Variants in PARD3 observed in about 807,000 individuals in gnomAD.
The protein encoded by PARD3 is partitioning defective 3 homolog.
Under a neutral mutation model 155.4 loss-of-function variants are expected in PARD3, and 75 were observed. That is an observed-to-expected ratio of 0.48 (90% CI 0.40 to 0.58). The LOEUF is 0.58. Ranked by LOEUF, PARD3 falls within the 20% of genes least tolerant of loss-of-function variation. The pLI, the probability that PARD3 is intolerant of heterozygous loss-of-function variation, is 0.00. For synonymous variants in PARD3, 576 were observed against 610.5 expected (o/e 0.94, Z 0.83); for missense variants, 1,642 against 1,721.7 (o/e 0.95, Z 0.82).
At chr10:34,275,582 G>A (rs1474504824) in intron 21 of PARD3, among the ~76,000 whole-genome samples, 1 of 152,134 alleles carries the variant, frequency 6.6e-6, no homozygotes, top group Non-Finnish European at 1.5e-5. Context: ...ATATTTGAAT[G>A]TCTTGTTACA....
At chr10:34,671,086 G>A (rs1015981395) in intron 2 of PARD3, among the ~76,000 whole-genome samples, 11 of 152,208 alleles carry the variant, frequency 7.2e-5, no homozygotes, top group African/African-American at 2.2e-4. Context: ...AAAAGTTACT[G>A]AGACTCGCAG....
chr10:34,405,099 C>T (rs1844315493), intron 5 of PARD3, among the ~76,000 whole-genome samples: 1 of 151,420 alleles, frequency 6.6e-6, no homozygotes, highest in South Asian at 2.1e-4. Context: ...CACACACACA[C>T]ACACACACAC....
At chr10:34,379,502 A>G (rs1841607319) in intron 9 of PARD3, among the ~76,000 whole-genome samples, 1 of 152,100 alleles carries the variant, frequency 6.6e-6, no homozygotes, top group Non-Finnish European at 1.5e-5. Context: ...GCTTTCATGA[A>G]ACTCTAATGA....
chr10:34,627,094 ACTGCAGCC>A (rs1422793597), intron 2 of PARD3, among the ~76,000 whole-genome samples: 1 of 151,390 alleles, frequency 6.6e-6, no homozygotes, highest in Non-Finnish European at 1.5e-5. Context: ...AACACAGCTC[ACTGCAGCC>A]CTGCAGCCTT....
rs1307479431 is a variant in PARD3 at position 34,111,243 on chromosome 10, G to T, written c.3988C>A (p.Pro1330Thr). Residue 1330 changes from proline (P) to threonine (T), a missense_variant, in exon 25 of 25, where the codon CCC becomes ACC. Physicochemically the swap from Pro to Thr is conservative, Grantham distance 38 (BLOSUM62 -1). Coordinates refer to ENST00000374788, the MANE Select transcript of PARD3 (RefSeq NM_001184785.2). The stretch of plus-strand genomic sequence containing the variant: ...CTCGCAACCTGAGAAGGGGAGGGGG[G>T]CACATCTTGCCGGAAGGGCCCCTTG... ...PPKGPFRQDV[P>T]PSPSQVARLN... 2 of 1,612,236 alleles carry T rather than the reference G, an allele frequency of 1.2e-6. No individual in the cohort carries two copies. Among genetic ancestry groups the T allele is most frequent in the Non-Finnish European group, 8.5e-7 (1 of 1,178,624 alleles).
intron 1 of PARD3, among the ~76,000 whole-genome samples, chr10:34,697,756 T>C (rs543904824): frequency 2.6e-4 from 26 of 101,176 alleles, no homozygotes; most frequent in Non-Finnish European, 3.6e-4. Flanking sequence ...GAGAGTAAGT[T>C]TGTAAAACAA....
chr10:34,626,586 G>A (rs1376755911), intron 2 of PARD3, among the ~76,000 whole-genome samples: 1 of 151,990 alleles, frequency 6.6e-6, no homozygotes, highest in Non-Finnish European at 1.5e-5. Flanking sequence ...CCACTCACAG[G>A]GCATATATTA....
intron 1 of PARD3, among the ~76,000 whole-genome samples, chr10:34,788,435 G>C (rs1291146092): frequency 6.8e-6 from 1 of 147,166 alleles, no homozygotes; most frequent in Non-Finnish European, 1.5e-5. Context: ...CCTGGGCCAA[G>C]CTCTAGGTCC....
At chr10:34,181,817 C>T (rs932756850) in intron 22 of PARD3, among the ~76,000 whole-genome samples, 4 of 152,006 alleles carry the variant, frequency 2.6e-5, no homozygotes, top group Non-Finnish European at 4.4e-5. Flanking sequence ...TTTCAGAAAT[C>T]GCTACCGACA....
intron 1 of PARD3, among the ~76,000 whole-genome samples, chr10:34,715,194 C>A (rs2094502482): frequency 6.6e-6 from 1 of 151,974 alleles, no homozygotes; most frequent in Admixed American, 6.6e-5. Context: ...CCACCTGCCT[C>A]AGCCTTCCAA....
intron 22 of PARD3, among the ~76,000 whole-genome samples, chr10:34,261,809 G>GA (rs1397842540): frequency 2.4e-5 from 2 of 84,968 alleles, no homozygotes; most frequent in East Asian, 6.3e-4. Context: ...AAGAAAGAAA[G>GA]AAAGAAAGAA....
At chr10:34,431,948 A>G (rs1418450373) in intron 5 of PARD3, among the ~76,000 whole-genome samples, 1 of 141,634 alleles carries the variant, frequency 7.1e-6, no homozygotes, top group Non-Finnish European at 1.5e-5. Flanking sequence ...AGGCTGAGGC[A>G]GGAGAATGGC....
intron 5 of PARD3, among the ~76,000 whole-genome samples, chr10:34,431,139 A>T (rs2075877381): frequency 1.3e-5 from 2 of 152,300 alleles, no homozygotes; most frequent in East Asian, 3.9e-4. Flanking sequence ...TGCAGTTAAT[A>T]AGTATGATGC....
intron 1 of PARD3, among the ~76,000 whole-genome samples, chr10:34,810,239 A>C (rs1843954683): frequency 6.6e-6 from 1 of 152,212 alleles, no homozygotes; most frequent in Non-Finnish European, 1.5e-5. Context: ...CAAGCACAAA[A>C]ATACTGCATA....
intron 3 of PARD3, among the ~76,000 whole-genome samples, chr10:34,490,467 G>T (rs984507463): frequency 3.7e-5 from 5 of 133,708 alleles, no homozygotes; most frequent in Non-Finnish European, 5.9e-5. Context: ...ATCTATGTCA[G>T]AACATTTACT....
chr10:34,360,212 T>C lies in PARD3; in HGVS notation c.1755A>G (p.Glu585=). ...DIVLTPDGTR[E]FLTFEVPLND... is the part of the protein sequence containing the mutation. ...TAAGTGGGACTTCAAATGTCAGAAATTCCCTGGTGCCATCAGGTGTAAGAA... is the reference window on the plus strand; with the variant it reads ...TAAGTGGGACTTCAAATGTCAGAAACTCCCTGGTGCCATCAGGTGTAAGAA... The change falls in exon 13 of 25, where the codon GAA becomes GAG. Residue 585 remains glutamate, a synonymous_variant. Coordinates refer to ENST00000374788, the MANE Select transcript of PARD3 (RefSeq NM_001184785.2). 6.2e-7 allele frequency: 1 copy of C among 1,613,982 alleles called. No individual in the cohort carries two copies.
In PARD3 at chr10:34,450,587, T is replaced by C. The variant is rs571549271; in HGVS notation, c.583-139A>G. On this transcript the variant is annotated intron_variant, in intron 4 of 24. Transcript: ENST00000374788. ...TTCCAATCCTATACAAAATAGCTGA[T>C]TGAGGACATTCCACCCAGATTAGAC... 1.1e-4 allele frequency: 86 copies of C among 783,140 alleles called. No homozygotes were observed. In the African/African-American group the frequency reaches 1.3e-3, roughly 11 times the overall value. The allele number at this position is 783,140 out of a possible 1,614,324, so 48.5% of individuals were successfully genotyped here.
intron 22 of PARD3, among the ~76,000 whole-genome samples, chr10:34,166,385 A>G (rs1949528089): frequency 1.3e-5 from 2 of 152,234 alleles, no homozygotes; most frequent in Non-Finnish European, 2.9e-5. Flanking sequence ...AGCCAAGGCA[A>G]GAAGACTGCT....
chr10:34,674,478 A>ATTTTTTTTTTTTTTTTT lies in PARD3; in HGVS notation c.222+21823_222+21839dup, dbSNP rs11402018. Among the ~76,000 whole-genome samples, 2 of 79,528 alleles carry ATTTTTTTTTTTTTTTTT rather than the reference A, an allele frequency of 2.5e-5. 1 individual carries two copies. Among genetic ancestry groups the ATTTTTTTTTTTTTTTTT allele is most frequent in the Non-Finnish European group, 4.5e-5 (2 of 43,960 alleles). The allele number at this position is 79,528 out of a possible 152,430, so 52.2% of individuals were successfully genotyped here. ...TTCTTCTACCACCTGCACGCTCTTG[A>ATTTTTTTTTTTTTTTTT]TTTTTTTTTTTTTTTTTTTTTTTTT... is the stretch of plus-strand genomic sequence containing the variant. On this transcript the variant is annotated intron_variant, in intron 2 of 24. Coordinates refer to ENST00000374788, the MANE Select transcript of PARD3 (RefSeq NM_001184785.2).
Sources: allele counts gnomAD v4.1 joint callset (sites outside exome capture counted in the v4.1 genomes callset), GRCh38; gene constraint gnomAD v4.1.1; transcripts MANE v1.5; gene names NCBI Gene and HGNC (gene_info 2026-07-23, HGNC 2026-07-21).